Variants in SNCAIP observed in about 807,000 individuals in gnomAD.
The protein encoded by SNCAIP is synuclein alpha interacting protein.
A neutral mutation model predicts 86.7 loss-of-function variants in SNCAIP; 43 were observed. The observed-to-expected ratio is 0.50, with a 90% CI of 0.39 to 0.64. SNCAIP has a LOEUF of 0.64. Ranked by LOEUF, SNCAIP falls within the 30% of genes least tolerant of loss-of-function variation. The probability of loss-of-function intolerance (pLI) is 0.00; values close to 1 mark genes in which losing one functional copy is unlikely to be tolerated. For synonymous variants in SNCAIP, 417 were observed against 427.2 expected (o/e 0.98, Z 0.29); for missense variants, 981 against 1,103.1 (o/e 0.89, Z 1.57).
At chr5:122,438,767 T>C (rs1780114010) in intron 6 of SNCAIP, among the ~76,000 whole-genome samples, 1 of 152,222 alleles carries the variant, frequency 6.6e-6, no homozygotes, top group Admixed American at 6.5e-5. Flanking sequence ...AAAATAAGGC[T>C]TTTTGAATTG....
At chr5:122,406,449 A>G (rs1010428244) in intron 3 of SNCAIP, among the ~76,000 whole-genome samples, 7 of 152,108 alleles carry the variant, frequency 4.6e-5, no homozygotes, top group African/African-American at 1.2e-4. Flanking sequence ...CTTACAGTAT[A>G]CCTGATATGG....
chr5:122,440,842 T>C, intron 7 of SNCAIP, 88 bp downstream of exon 7: 2 of 1,236,672 alleles, frequency 1.6e-6, no homozygotes, highest in Non-Finnish European at 2.4e-6. Context: ...GGAGAATGTC[T>C]GAATTAATTC....
chr5:122,432,619 A>T lies in SNCAIP; in HGVS notation c.1296+537A>T, dbSNP rs146501953. 5.9e-5 allele frequency among the ~76,000 whole-genome samples: 9 copies of T among 152,312 alleles called. No individual in the cohort carries two copies. In the East Asian group the frequency reaches 1.7e-3, roughly 29 times the overall value. ...ACCCAAAGTTAAAAGGAAAATCTTT[A>T]TAAGACATTAATCAAGGCAGTCTCA... On this transcript the variant is annotated intron_variant, in intron 6 of 10. Transcript: ENST00000261368.
Position 122,440,567 on chromosome 5 carries a change from G to A in SNCAIP, c.1297-62G>A, listed in dbSNP as rs2290988. The A allele has an allele frequency of 3.0e-3, 4,514 of 1,521,650 alleles. 84 individuals carry two copies. In the East Asian group the frequency reaches 0.044, roughly 15 times the overall value. The allele number at this position is 1,521,650 out of a possible 1,614,324, so 94.3% of individuals were successfully genotyped here. On this transcript the variant is annotated intron_variant, in intron 6 of 10. Coordinates refer to ENST00000261368, the MANE Select transcript of SNCAIP (RefSeq NM_005460.4). The stretch of plus-strand genomic sequence containing the variant: ...ACAAATTAGGGTATTGTTTTCCTCT[G>A]TCTTTTTATCTAACTTCTCTGCAAG...
chr5:122,410,655 T>C (rs915382775), intron 3 of SNCAIP, among the ~76,000 whole-genome samples: 3 of 152,058 alleles, frequency 2.0e-5, no homozygotes, highest in African/African-American at 7.2e-5. Flanking sequence ...AAACCCTGTC[T>C]CCACTAAAAA....
chr5:122,320,953 G>C (rs984022619), intron 1 of SNCAIP, among the ~76,000 whole-genome samples: 1 of 152,104 alleles, frequency 6.6e-6, no homozygotes, highest in Non-Finnish European at 1.5e-5. Context: ...CCCTTGATGG[G>C]TCGGTCCCCC....
chr5:122,461,733 C>A (rs1169639272), intron 10 of SNCAIP, among the ~76,000 whole-genome samples: 2 of 145,726 alleles, frequency 1.4e-5, no homozygotes, highest in African/African-American at 5.1e-5. Flanking sequence ...GGCTGGAATG[C>A]AATGGTGTGA....
At chr5:122,463,339 A>T in intron 10 of SNCAIP, 152 bp from the exon 11 acceptor site, 1 of 625,066 alleles carries the variant, frequency 1.6e-6, no homozygotes, top group Non-Finnish European at 2.9e-6. Flanking sequence ...GTTTACATGA[A>T]AAGAGAATAA....
At chr5:122,356,621 C>T (rs889503732) in intron 1 of SNCAIP, among the ~76,000 whole-genome samples, 5 of 152,196 alleles carry the variant, frequency 3.3e-5, no homozygotes, top group African/African-American at 1.2e-4. Flanking sequence ...CCTTCTTTCT[C>T]TTGGTTCCAG....
In SNCAIP at chr5:122,436,465, G is replaced by A. The variant is rs1201127861; in HGVS notation, c.1297-4164G>A. On this transcript the variant is annotated intron_variant, in intron 6 of 10. Coordinates refer to ENST00000261368, the MANE Select transcript of SNCAIP (RefSeq NM_005460.4). ...CATTAGTAATGTATAGGAGAAACTTGCAAAGGAATTATTAAGGCCATAACC... is the reference window on the plus strand; with the variant it reads ...CATTAGTAATGTATAGGAGAAACTTACAAAGGAATTATTAAGGCCATAACC... The A allele has an allele frequency of 4.6e-5, 7 of 152,222 alleles. No homozygotes were observed. In the East Asian group the frequency reaches 1.4e-3, roughly 29 times the overall value. The allele number at this position is 152,222 out of a possible 1,614,324, so 9.4% of individuals were successfully genotyped here.
chr5:122,368,009 A>G (rs1015434783), intron 1 of SNCAIP, among the ~76,000 whole-genome samples: 2 of 152,164 alleles, frequency 1.3e-5, no homozygotes, highest in Admixed American at 1.3e-4. Flanking sequence ...CAAACCTTTC[A>G]TAATTCATAC....
At chr5:122,380,386 A>G (rs1766438934) in intron 1 of SNCAIP, among the ~76,000 whole-genome samples, 3 of 151,942 alleles carry the variant, frequency 2.0e-5, no homozygotes, top group Admixed American at 1.3e-4. Flanking sequence ...CAGTGGTGAT[A>G]TCCCCTTTAT....
At chr5:122,444,471 C>A in intron 7 of SNCAIP, 92 bp from the exon 8 acceptor site, 6 of 1,189,368 alleles carry the variant, frequency 5.0e-6, no homozygotes, top group Non-Finnish European at 7.6e-6. Flanking sequence ...TCCCTAGAGG[C>A]TCTCTTCATA....
chr5:122,412,783 C>T (rs1041351114), intron 3 of SNCAIP, among the ~76,000 whole-genome samples: 3 of 152,318 alleles, frequency 2.0e-5, no homozygotes, highest in South Asian at 2.1e-4. Flanking sequence ...CCCTGCCTGA[C>T]GTGTTCCTCC....
chr5:122,441,343 G>T, intron 7 of SNCAIP: 1 of 154,688 alleles, frequency 6.5e-6, no homozygotes, highest in Admixed American at 6.4e-5. Context: ...GGCCACCCAG[G>T]GCCTTGATTG....
intron 1 of SNCAIP, among the ~76,000 whole-genome samples, chr5:122,333,932 G>A (rs1755888213): frequency 6.6e-6 from 1 of 152,166 alleles, no homozygotes; most frequent in South Asian, 2.1e-4. Flanking sequence ...CAGAAATTGT[G>A]GGGAAATGGA....
At chr5:122,420,884 A>G (rs1389485080) in intron 3 of SNCAIP, among the ~76,000 whole-genome samples, 1 of 152,218 alleles carries the variant, frequency 6.6e-6, no homozygotes, top group African/African-American at 2.4e-5. Flanking sequence ...TAGCAAATTG[A>G]TCTCTTACTG....
chr5:122,331,276 C>T (rs990013238), intron 1 of SNCAIP, among the ~76,000 whole-genome samples: 18 of 152,098 alleles, frequency 1.2e-4, no homozygotes, highest in Non-Finnish European at 2.2e-4. Flanking sequence ...TCCTGTGTGA[C>T]GTGAAATCTC....
rs75845684 is a variant in SNCAIP at position 122,440,313 on chromosome 5, T to A, written c.1297-316T>A. 193 of 313,622 alleles carry A rather than the reference T, an allele frequency of 6.2e-4. No individual in the cohort carries two copies. The East Asian group carries it at 0.013, about 22-fold the overall frequency. 19.4% of individuals were successfully genotyped at this position (313,622 alleles called of 1,614,324 possible). On this transcript the variant is annotated intron_variant, in intron 6 of 10. Transcript: ENST00000261368. ...CATGGATTCTAGTTCCAACTTTGGATCTGTCTAGCTGTGTGCCTTGGATGA... is the reference window on the plus strand; with the variant it reads ...CATGGATTCTAGTTCCAACTTTGGAACTGTCTAGCTGTGTGCCTTGGATGA...
Sources: allele counts gnomAD v4.1 joint callset (sites outside exome capture counted in the v4.1 genomes callset), GRCh38; gene constraint gnomAD v4.1.1; transcripts MANE v1.5; gene names NCBI Gene and HGNC (gene_info 2026-07-23, HGNC 2026-07-21).